The following SMOC2 variants were observed in gnomAD, a reference collection of about 807,000 sequenced individuals.
SMOC2 encodes SPARC related modular calcium binding 2.
A neutral mutation model predicts 61.4 loss-of-function variants in SMOC2; 39 were observed. That is an observed-to-expected ratio of 0.64 (90% CI 0.49 to 0.83). The LOEUF (loss-of-function observed/expected upper bound fraction) is 0.83, where lower values mean the gene tolerates loss of function less well. Ranked by LOEUF, SMOC2 falls within the 40% of genes least tolerant of loss-of-function variation. SMOC2 has a pLI of 0.00. For missense variants in SMOC2, 556 were observed against 592.9 expected, an observed-to-expected ratio of 0.94 and a Z score of 0.65; for synonymous variants, 247 against 239.9, an observed-to-expected ratio of 1.03 and a Z score of -0.27.
chr6:168,462,390 T>G (rs922237694), intron 1 of SMOC2, among the ~76,000 whole-genome samples: 21 of 152,220 alleles, frequency 1.4e-4, no homozygotes, highest in Admixed American at 1.3e-3. Context: ...TGTTGAATTA[T>G]CGTTTCCCGG....
At chr6:168,538,694 C>T (rs1176955287) in intron 4 of SMOC2, among the ~76,000 whole-genome samples, 4 of 111,118 alleles carry the variant, frequency 3.6e-5, no homozygotes, top group East Asian at 2.6e-4. Context: ...GTGGGGTGAC[C>T]GCTGCTGGAA....
At chr6:168,662,059 T>G (rs73045836) in intron 11 of SMOC2, among the ~76,000 whole-genome samples, 1,700 of 152,362 alleles carry the variant, frequency 0.011, 14 homozygotes, top group Non-Finnish European at 0.017. Context: ...AATTTTGCTC[T>G]TTACTCCATG....
At chr6:168,486,127 G>A (rs140749106) in intron 1 of SMOC2, among the ~76,000 whole-genome samples, 1 of 152,222 alleles carries the variant, frequency 6.6e-6, no homozygotes, top group East Asian at 1.9e-4. Context: ...GTTTGTCTTA[G>A]TGTCCCTGGT....
At chr6:168,562,416 A>C (rs9689197) in intron 7 of SMOC2, among the ~76,000 whole-genome samples, 318 of 20,168 alleles carry the variant, frequency 0.016, 8 homozygotes, top group Middle Eastern at 0.036. Context: ...TGTCATTTTC[A>C]TACCCTGAGA....
At chr6:168,510,319 T>C (rs1782976985) in intron 2 of SMOC2, among the ~76,000 whole-genome samples, 4 of 152,340 alleles carry the variant, frequency 2.6e-5, no homozygotes, top group Middle Eastern at 6.8e-3. Flanking sequence ...GAAAGAAATT[T>C]ATCCAAATAT....
chr6:168,554,587 G>T (rs1345370387), intron 7 of SMOC2, among the ~76,000 whole-genome samples: 4 of 152,230 alleles, frequency 2.6e-5, no homozygotes, highest in Admixed American at 2.6e-4. Context: ...CTGGGACTGC[G>T]TGTCCTGGAA....
intron 1 of SMOC2, among the ~76,000 whole-genome samples, chr6:168,455,328 G>A (rs1368783479): frequency 6.6e-6 from 1 of 152,204 alleles, no homozygotes; most frequent in African/African-American, 2.4e-5. Flanking sequence ...ACATTTTCCT[G>A]TGTTGTGTCT....
intron 8 of SMOC2, among the ~76,000 whole-genome samples, chr6:168,606,782 C>T (rs940262444): frequency 6.6e-6 from 1 of 151,978 alleles, no homozygotes; most frequent in Non-Finnish European, 1.5e-5. Context: ...TCCTGCTTGT[C>T]TTCTTCATTT....
At chr6:168,615,132 C>T (rs1786033990) in intron 9 of SMOC2, among the ~76,000 whole-genome samples, 1 of 19,456 alleles carries the variant, frequency 5.1e-5, no homozygotes, top group Non-Finnish European at 1.1e-4. Flanking sequence ...TTTACATCTA[C>T]AGCCAGCACA....
chr6:168,467,136 A>ACACACACACACACACACACACACACACAC (rs1781853992), intron 1 of SMOC2, among the ~76,000 whole-genome samples: 1 of 133,334 alleles, frequency 7.5e-6, no homozygotes. Context: ...AGTGCTCTCA[A>ACACACACACACACACACACACACACACAC]ACACACACAC....
intron 8 of SMOC2, among the ~76,000 whole-genome samples, chr6:168,599,350 C>G (rs538578234): frequency 6.9e-6 from 1 of 145,874 alleles, no homozygotes; most frequent in East Asian, 2.1e-4. Flanking sequence ...CACACACAAC[C>G]ACTCACACGC....
At chr6:168,647,992 A>G (rs1787087782) in intron 9 of SMOC2, among the ~76,000 whole-genome samples, 1 of 152,132 alleles carries the variant, frequency 6.6e-6, no homozygotes, top group Non-Finnish European at 1.5e-5. Flanking sequence ...ATGTTTCGTG[A>G]TGAACATCTA....
At position 168,535,373 on chromosome 6, in the gene SMOC2, C is replaced by T. The variant is rs1402798333; in HGVS notation, c.463+7646C>T. Among the ~76,000 whole-genome samples, 2 of 152,118 alleles carry T rather than the reference C, an allele frequency of 1.3e-5. No homozygotes were observed. The highest frequency in any genetic ancestry group is 4.8e-5 in the African/African-American group (2 of 41,420). ...TTACAGCACCTTTTTTCACTATATG[C>T]AGCTACAACAGTTAAATGTTGCAAA... is the stretch of plus-strand genomic sequence containing the variant. On this transcript the variant is annotated intron_variant, in intron 4 of 12. Coordinates refer to ENST00000356284, the MANE Select transcript of SMOC2 (RefSeq NM_001166412.2). The surrounding 1 kb of genome is among the most constrained non-coding windows in gnomAD (Gnocchi z 4.6).
Position 168,666,753 on chromosome 6 carries a change from T to C in SMOC2, c.*315T>C. The C allele has an allele frequency of 3.0e-6, 1 of 334,338 alleles. No individual in the cohort carries two copies. Among genetic ancestry groups the C allele is most frequent in the Non-Finnish European group, 5.5e-6 (1 of 180,908 alleles). 20.7% of individuals were successfully genotyped at this position (334,338 alleles called of 1,614,324 possible). ...ATGTTAACAGTAGAGCTCTATGCAC[T>C]CCGGCTGCAATCGTATGGCTTTCTC... On this transcript the variant is annotated 3_prime_UTR_variant, in exon 13 of 13. Coordinates refer to ENST00000356284, the MANE Select transcript of SMOC2 (RefSeq NM_001166412.2).
intron 7 of SMOC2, among the ~76,000 whole-genome samples, chr6:168,558,815 G>A (rs1404225673): frequency 6.6e-6 from 1 of 151,756 alleles, no homozygotes; most frequent in Admixed American, 6.6e-5. Flanking sequence ...ATGTGTGTGT[G>A]TGCGTATGTG....
intron 1 of SMOC2, among the ~76,000 whole-genome samples, chr6:168,467,182 C>T (rs1312265387): frequency 6.7e-6 from 1 of 148,394 alleles, no homozygotes; most frequent in African/African-American, 2.5e-5. Flanking sequence ...CACACACACA[C>T]GTTTATTTCG....
At chr6:168,509,739 A>G (rs1365300274) in intron 1 of SMOC2, among the ~76,000 whole-genome samples, 176 bp from the exon 2 acceptor site, 1 of 152,192 alleles carries the variant, frequency 6.6e-6, no homozygotes, top group Non-Finnish European at 1.5e-5. Context: ...GAAACAGATG[A>G]TGGCTAAAAT....
chr6:168,504,420 G>A (rs1454523929), intron 1 of SMOC2, among the ~76,000 whole-genome samples: 2 of 150,134 alleles, frequency 1.3e-5, no homozygotes, highest in East Asian at 3.9e-4. Flanking sequence ...GAGACAGTGA[G>A]AGATCATCAG....
chr6:168,564,013 C>A (rs896148874), intron 7 of SMOC2, among the ~76,000 whole-genome samples: 1 of 152,094 alleles, frequency 6.6e-6, no homozygotes, highest in African/African-American at 2.4e-5. Context: ...GCCTTGGAGA[C>A]GCAATTTAAG....
Sources: gnomAD v4.1 joint callset for allele counts (sites outside exome capture counted in the v4.1 genomes callset) on GRCh38, gnomAD v4.1.1 for gene constraint, Gnocchi (gnomAD v3.1) non-coding constraint, MANE v1.5 for transcripts, NCBI Gene and HGNC (gene_info 2026-07-23, HGNC 2026-07-21) for gene names.